Variants in ZDHHC21 observed in about 807,000 individuals in gnomAD.
ZDHHC21 encodes the protein palmitoyltransferase ZDHHC21.
In ZDHHC21, 15 loss-of-function variants were observed where a neutral mutation model predicts 34.6. That is an observed-to-expected ratio of 0.43 (90% CI 0.29 to 0.67). The LOEUF (loss-of-function observed/expected upper bound fraction) is 0.67. ZDHHC21 is among the 30% of genes least tolerant of loss of function. The pLI, the probability that ZDHHC21 is intolerant of heterozygous loss-of-function variation, is 0.14. For missense variants in ZDHHC21, 344 were observed against 327.7 expected, an observed-to-expected ratio of 1.05 and a Z score of -0.38; for synonymous variants, 142 against 101.8, an observed-to-expected ratio of 1.40 and a Z score of -2.38.
Position 14,624,604 on chromosome 9 carries a change from C to T in ZDHHC21, c.622-4922G>A, listed in dbSNP as rs191126213. ...CAGAATCTTAAAAAAGGTGATCTCA[C>T]AGAAGTATGAATAGAACAGTAGTTA... On this transcript the variant is annotated intron_variant, in intron 8 of 9. Coordinates refer to ENST00000380916, the MANE Select transcript of ZDHHC21 (RefSeq NM_178566.6). Among the ~76,000 whole-genome samples, 9 of 152,066 alleles carry T rather than the reference C, an allele frequency of 5.9e-5. No individual in the cohort carries two copies. The East Asian group carries it at 1.7e-3, about 29-fold the overall frequency.
chr9:14,590,432 C>T, the ZDHHC21 span, among the ~76,000 whole-genome samples: 1 of 151,924 alleles, frequency 6.6e-6, no homozygotes, highest in Admixed American at 6.6e-5. Flanking sequence ...TAGATAATCA[C>T]AATGAAAACC....
chr9:14,608,907 A>G (rs1418584229), downstream of ZDHHC21, among the ~76,000 whole-genome samples: 1 of 152,166 alleles, frequency 6.6e-6, no homozygotes, highest in African/African-American at 2.4e-5. Flanking sequence ...TTGCCTCTTT[A>G]TAACAAGGCT....
intron 2 of ZDHHC21, among the ~76,000 whole-genome samples, chr9:14,683,989 C>G (rs532906360): frequency 6.6e-6 from 1 of 152,240 alleles, no homozygotes; most frequent in South Asian, 2.1e-4. Flanking sequence ...AGGCCTTTGA[C>G]AAAATTCAAC....
the ZDHHC21 span, among the ~76,000 whole-genome samples, chr9:14,598,443 T>C: frequency 1.2e-4 from 18 of 152,286 alleles, no homozygotes; most frequent in African/African-American, 4.1e-4. Flanking sequence ...GATACATCTA[T>C]AGGAAAAAGT....
the ZDHHC21 span, among the ~76,000 whole-genome samples, chr9:14,596,356 G>C: frequency 6.6e-6 from 1 of 152,194 alleles, no homozygotes; most frequent in African/African-American, 2.4e-5. Context: ...CAAGCCGCTA[G>C]GTTGTTGGTA....
chr9:14,612,136 A>C lies in ZDHHC21; in HGVS notation c.*6830T>G, dbSNP rs1247551325. 6.6e-6 allele frequency: 1 copy of C among 152,022 alleles called. No individual in the cohort carries two copies. Among genetic ancestry groups the C allele is most frequent in the African/African-American group, 2.4e-5 (1 of 41,436 alleles). 9.4% of individuals were successfully genotyped at this position (152,022 alleles called of 1,614,324 possible). On this transcript the variant is annotated 3_prime_UTR_variant, in exon 10 of 10. Transcript: ENST00000380916. ...GCTTTCAAATTTTGCTTTCACCTCT[A>C]ATGATATGTTCATCTAGATTTCTAC...
chr9:14,648,481 C>G (rs1323866052), intron 7 of ZDHHC21, among the ~76,000 whole-genome samples: 12 of 152,084 alleles, frequency 7.9e-5, no homozygotes, highest in Non-Finnish European at 1.8e-4. Flanking sequence ...ACTCACTCCA[C>G]TCAAGATACA....
downstream of ZDHHC21, among the ~76,000 whole-genome samples, chr9:14,606,627 A>G (rs1333237962): frequency 6.6e-6 from 1 of 152,174 alleles, no homozygotes; most frequent in Non-Finnish European, 1.5e-5. Flanking sequence ...CCATAAAAAA[A>G]TGGTTGGTTT....
downstream of ZDHHC21, among the ~76,000 whole-genome samples, chr9:14,610,425 T>G (rs938833259): frequency 6.6e-6 from 1 of 152,026 alleles, no homozygotes; most frequent in Admixed American, 6.6e-5. Context: ...GCAAAATTTA[T>G]AGTTTTATTT....
At chr9:14,606,560 T>C (rs373709622), downstream of ZDHHC21, among the ~76,000 whole-genome samples, 7 of 152,082 alleles carry the variant, frequency 4.6e-5, no homozygotes, top group African/African-American at 1.7e-4. Context: ...TCAGACACCA[T>C]GGAAGACAGA....
intron 8 of ZDHHC21, chr9:14,622,660 G>T (rs1321989432): frequency 1.4e-5 from 14 of 985,078 alleles, no homozygotes; most frequent in African/African-American, 7.0e-5. Context: ...TCATACAGGA[G>T]AAAGAATGTG....
At chr9:14,685,515 C>T (rs988642253) in intron 2 of ZDHHC21, among the ~76,000 whole-genome samples, 8 of 152,142 alleles carry the variant, frequency 5.3e-5, no homozygotes, top group Middle Eastern at 3.4e-3. Context: ...TACCATCTCA[C>T]ACCAGTTAGA....
At chr9:14,605,697 C>G in the ZDHHC21 span, among the ~76,000 whole-genome samples, 1 of 152,154 alleles carries the variant, frequency 6.6e-6, no homozygotes, top group African/African-American at 2.4e-5. Flanking sequence ...TTGATGCAGT[C>G]CCACTTGTCT....
intron 7 of ZDHHC21, among the ~76,000 whole-genome samples, chr9:14,655,408 T>C (rs1261671504): frequency 6.6e-6 from 1 of 151,884 alleles, no homozygotes; most frequent in African/African-American, 2.4e-5. Flanking sequence ...AGCACCAATA[T>C]GTAGATAACT....
At chr9:14,625,403 C>A (rs868165832) in intron 8 of ZDHHC21, among the ~76,000 whole-genome samples, 1 of 152,004 alleles carries the variant, frequency 6.6e-6, no homozygotes, top group Non-Finnish European at 1.5e-5. Context: ...GAGAAGGCAA[C>A]AGATCTTATA....
chr9:14,657,508 G>A (rs112126391), intron 7 of ZDHHC21, among the ~76,000 whole-genome samples: 5 of 25,156 alleles, frequency 2.0e-4, no homozygotes, highest in African/African-American at 6.1e-4. Flanking sequence ...GGCTGGCAAA[G>A]TTACTGTAAA....
intron 8 of ZDHHC21, among the ~76,000 whole-genome samples, chr9:14,634,829 C>T (rs913491601): frequency 6.6e-6 from 1 of 152,024 alleles, no homozygotes; most frequent in African/African-American, 2.4e-5. Flanking sequence ...TACAATAATT[C>T]TCCAATAAAA....
chr9:14,613,123 T>C lies in ZDHHC21; in HGVS notation c.*5843A>G, dbSNP rs149203193. 74 of 151,866 alleles carry C rather than the reference T, an allele frequency of 4.9e-4. No individual in the cohort carries two copies. The East Asian group carries it at 0.014, about 28-fold the overall frequency. 9.4% of individuals were successfully genotyped at this position (151,866 alleles called of 1,614,324 possible). A position where few individuals can be genotyped will look rare whatever the true frequency, so the allele number is the denominator to read the frequency against. On this transcript the variant is annotated 3_prime_UTR_variant, in exon 10 of 10. Coordinates refer to ENST00000380916, the MANE Select transcript of ZDHHC21 (RefSeq NM_178566.6). ...GCTATATTAAAATACAAAATTAAAA[T>C]CCATACATGCCTACCTAAAAAAAAA...
the ZDHHC21 span, among the ~76,000 whole-genome samples, chr9:14,599,230 T>C: frequency 1.3e-5 from 2 of 152,178 alleles, no homozygotes; most frequent in African/African-American, 2.4e-5. Context: ...AATTTCTGCA[T>C]TTCCAACTGA....
Sources: allele counts gnomAD v4.1 joint callset (sites outside exome capture counted in the v4.1 genomes callset), GRCh38; gene constraint gnomAD v4.1.1; transcripts MANE v1.5; gene names NCBI Gene and HGNC (gene_info 2026-07-23, HGNC 2026-07-21).